Variants in SELENOI observed in about 807,000 individuals in gnomAD.
The protein encoded by SELENOI is selenoprotein I, also known as ethanolaminephosphotransferase 1.
A neutral mutation model predicts 50.7 loss-of-function variants in SELENOI; 24 were observed. The ratio of observed to expected loss-of-function variants is 0.47; its 90% CI spans 0.34 to 0.67. SELENOI has a LOEUF of 0.67. SELENOI is among the 30% of genes least tolerant of loss of function. SELENOI has a pLI of 0.01. For synonymous variants in SELENOI, 155 were observed against 170.2 expected, an observed-to-expected ratio of 0.91 and a Z score of 0.70; for missense variants, 352 against 461.4, an observed-to-expected ratio of 0.76 and a Z score of 2.17.
At chr2:26,371,019 G>A (rs1212695181) in intron 4 of SELENOI, among the ~76,000 whole-genome samples, 1 of 132,220 alleles carries the variant, frequency 7.6e-6, no homozygotes, top group Non-Finnish European at 1.7e-5. Context: ...GGCTGGCCAG[G>A]CAGAGGGGCT....
chr2:26,379,505 T>TG (rs1299085363), intron 6 of SELENOI, among the ~76,000 whole-genome samples: 3 of 152,026 alleles, frequency 2.0e-5, no homozygotes, highest in Non-Finnish European at 4.4e-5. Flanking sequence ...GGGGGCATGC[T>TG]GGGGAACAGT....
chr2:26,386,525 G>A lies in SELENOI; in HGVS notation c.1084G>A (p.Gly362Arg). 1 of 1,607,420 alleles carries A rather than the reference G, an allele frequency of 6.2e-7. No individual in the cohort carries two copies. Among genetic ancestry groups the A allele is most frequent in the Non-Finnish European group, 8.5e-7 (1 of 1,177,316 alleles). Residue 362 changes from glycine to arginine, a missense_variant, in exon 9 of 10, where the codon GGA becomes AGA. By Grantham distance (125) the Gly-to-Arg change is moderately radical. Transcript: ENST00000260585. The part of the protein sequence containing the change: ...TAFTLAHIHY[G>R]VRVVKQLSSH... The stretch of plus-strand genomic sequence containing the variant: ...TTTTACTCTGGCCCACATCCATTAT[G>A]GAGTACGAGTGGTGAGTAATCTACA...
At chr2:26,379,248 G>A (rs911571520) in intron 6 of SELENOI, among the ~76,000 whole-genome samples, 1 of 152,154 alleles carries the variant, frequency 6.6e-6, no homozygotes, top group African/African-American at 2.4e-5. Flanking sequence ...TGAGAAGAGC[G>A]CAACTCTGTC....
At chr2:26,372,331 G>A (rs904043217) in intron 4 of SELENOI, among the ~76,000 whole-genome samples, 2 of 152,128 alleles carry the variant, frequency 1.3e-5, no homozygotes, top group Admixed American at 1.3e-4. Flanking sequence ...GGCTGGTCTT[G>A]GACTCCTAAC....
At chr2:26,377,572 C>T (rs2147958207) in intron 6 of SELENOI, among the ~76,000 whole-genome samples, 1 of 152,076 alleles carries the variant, frequency 6.6e-6, no homozygotes, top group South Asian at 2.1e-4. Flanking sequence ...GTCGAGGCTG[C>T]AGTGAGCTGT....
Position 26,385,090 on chromosome 2 carries a change from A to G in SELENOI, c.863A>G (p.His288Arg). ...TCACCTTCAGATATTTTAGAGCTAC[A>G]TCCTAGAGTATTCTACTTTATGGTT... ...LWSPSDILELHPRVFYFMVGT... is the reference protein window; with the variant it reads ...LWSPSDILELRPRVFYFMVGT... Residue 288 changes from histidine (H) to arginine (R), a missense_variant, in exon 8 of 10, where the codon CAT becomes CGT. By Grantham distance (29) the His-to-Arg change is conservative. Coordinates refer to ENST00000260585, the MANE Select transcript of SELENOI (RefSeq NM_033505.4). 1 of 1,610,436 alleles carries G rather than the reference A, an allele frequency of 6.2e-7. No individual in the cohort carries two copies. Among genetic ancestry groups the G allele is most frequent in the Non-Finnish European group, 8.5e-7 (1 of 1,178,270 alleles).
intron 9 of SELENOI, 44 bp from the exon 10 acceptor site, chr2:26,388,958 CAAT>C: frequency 2.1e-6 from 3 of 1,400,320 alleles, no homozygotes; most frequent in Non-Finnish European, 3.0e-6. Context: ...TTTTAAAAAA[CAAT>C]AAGGTACATA....
Position 26,390,174 on chromosome 2 carries a change from C to G in SELENOI, c.*1071C>G, listed in dbSNP as rs1004492179. Reference sequence around the variant, plus strand: ...ATATATGCCTTACTGAGTACATGCCCCCTTTAATGTTAACATGACTTGGAG... The same window carrying G: ...ATATATGCCTTACTGAGTACATGCCGCCTTTAATGTTAACATGACTTGGAG... On this transcript the variant is annotated 3_prime_UTR_variant, in exon 10 of 10. Coordinates refer to ENST00000260585, the MANE Select transcript of SELENOI (RefSeq NM_033505.4). 6.6e-6 allele frequency: 1 copy of G among 150,702 alleles called. No individual in the cohort carries two copies. The highest frequency in any genetic ancestry group is 2.5e-5 in the African/African-American group (1 of 40,702). The allele number at this position is 150,702 out of a possible 1,614,324, so 9.3% of individuals were successfully genotyped here.
rs1303947774 is a variant in SELENOI, at chr2:26,390,765, A to G, written c.*1662A>G. 1 of 152,230 alleles carries G rather than the reference A, an allele frequency of 6.6e-6. No individual in the cohort carries two copies. The highest frequency in any genetic ancestry group is 1.5e-5 in the Non-Finnish European group (1 of 68,038). 9.4% of individuals were successfully genotyped at this position (152,230 alleles called of 1,614,324 possible). On this transcript the variant is annotated 3_prime_UTR_variant, in exon 10 of 10. Coordinates refer to ENST00000260585, the MANE Select transcript of SELENOI (RefSeq NM_033505.4). Reference sequence around the variant, plus strand: ...GCAGAATAATGCAGATAGTGATCCCATGTTTGTTAATTGCCATCATGGAAG... The same window carrying G: ...GCAGAATAATGCAGATAGTGATCCCGTGTTTGTTAATTGCCATCATGGAAG...
At chr2:26,367,324 A>C in intron 4 of SELENOI, 104 bp downstream of exon 4, 1 of 831,420 alleles carries the variant, frequency 1.2e-6, no homozygotes, top group Non-Finnish European at 1.8e-6. Flanking sequence ...CATTTTAACT[A>C]GAGTTTATTA....
chr2:26,393,724 A>G lies in SELENOI; in HGVS notation c.*4621A>G, dbSNP rs1167857686. 1 of 152,220 alleles carries G rather than the reference A, an allele frequency of 6.6e-6. No individual in the cohort carries two copies. The highest frequency in any genetic ancestry group is 6.5e-5 in the Admixed American group (1 of 15,278). The allele number at this position is 152,220 out of a possible 1,614,324, so 9.4% of individuals were successfully genotyped here. A position where few individuals can be genotyped will look rare whatever the true frequency, so the allele number is the denominator to read the frequency against. On this transcript the variant is annotated 3_prime_UTR_variant, in exon 10 of 10. Transcript: ENST00000260585. Reference sequence around the variant, plus strand: ...GTAGTGCTGTTTTTAAAGCAAGTATATTGGATGATGGCTATAGGGTACCTT... The same window carrying G: ...GTAGTGCTGTTTTTAAAGCAAGTATGTTGGATGATGGCTATAGGGTACCTT...
intron 4 of SELENOI, among the ~76,000 whole-genome samples, chr2:26,370,688 C>G (rs891246805): frequency 7.5e-6 from 1 of 134,140 alleles, no homozygotes; most frequent in Admixed American, 7.1e-5. Flanking sequence ...GTAGGGGCCA[C>G]CGGGCAGAGG....
At chr2:26,385,888 A>T (rs1677828875) in intron 8 of SELENOI, among the ~76,000 whole-genome samples, 1 of 152,212 alleles carries the variant, frequency 6.6e-6, no homozygotes, top group African/African-American at 2.4e-5. Flanking sequence ...ATATTCAAGT[A>T]AGGTCTTCAA....
intron 1 of SELENOI, among the ~76,000 whole-genome samples, chr2:26,363,427 T>C (rs1677223553): frequency 6.6e-6 from 1 of 152,146 alleles, no homozygotes; most frequent in South Asian, 2.1e-4. Context: ...GGTGTGTGGT[T>C]AGTGTGTGAA....
In SELENOI at chr2:26,386,406, G is replaced by A; in HGVS notation, c.965G>A (p.Trp322Ter). 1 of 1,613,812 alleles carries A rather than the reference G, an allele frequency of 6.2e-7. No individual in the cohort carries two copies. The highest frequency in any genetic ancestry group is 8.5e-7 in the Non-Finnish European group (1 of 1,179,846). ...MSSTRCPTLN[W>*]LLVPLFLVVL... ...AGTACCCGGTGTCCAACTTTGAATT[G>A]GTTGCTGGTTCCTCTCTTCTTGGTT... Residue 322 changes from tryptophan (W) to a stop codon, truncating the protein, a stop_gained, in exon 9 of 10, where the codon TGG becomes TAG. Coordinates refer to ENST00000260585, the MANE Select transcript of SELENOI (RefSeq NM_033505.4). LOFTEE classifies it high-confidence loss of function.
At chr2:26,376,091 C>CA (rs57146815) in intron 6 of SELENOI, among the ~76,000 whole-genome samples, 13,124 of 80,936 alleles carry the variant, frequency 0.16, 1,435 homozygotes, top group East Asian at 0.62. Flanking sequence ...GACCCTGTCT[C>CA]AAAAAAAAAA....
intron 9 of SELENOI, among the ~76,000 whole-genome samples, chr2:26,387,952 A>G (rs753705748): frequency 2.0e-5 from 3 of 152,196 alleles, no homozygotes; most frequent in African/African-American, 2.4e-5. Context: ...AGAGGCAGCT[A>G]TCATGCTTGA....
At chr2:26,379,352 A>T (rs559327925) in intron 6 of SELENOI, among the ~76,000 whole-genome samples, 8 of 152,162 alleles carry the variant, frequency 5.3e-5, no homozygotes, top group Non-Finnish European at 1.2e-4. Context: ...AAAGTAGGTC[A>T]TTTGGCCAAT....
In SELENOI at chr2:26,364,840, T is replaced by A; in HGVS notation, c.135T>A (p.Pro45=). The change falls in exon 3 of 10, where the codon CCT becomes CCA. Residue 45 remains proline, a synonymous_variant. Transcript: ENST00000260585. ...PFWNTIVKVF[P]TWLAPNLITF... ...TTATTTTGCAAAAATAGGTATTTCC[T>A]ACTTGGCTGGCGCCCAATCTGATAA... is the stretch of plus-strand genomic sequence containing the variant. The A allele has an allele frequency of 6.2e-7, 1 of 1,605,546 alleles. No individual in the cohort carries two copies. The highest frequency in any genetic ancestry group is 8.5e-7 in the Non-Finnish European group (1 of 1,177,192).
Sources: gnomAD v4.1 joint callset for allele counts (sites outside exome capture counted in the v4.1 genomes callset) on GRCh38, gnomAD v4.1.1 for gene constraint, MANE v1.5 for transcripts, NCBI Gene and HGNC (gene_info 2026-07-23, HGNC 2026-07-21) for gene names.